CNTNAP5: variants seen among roughly 807,000 people sequenced by gnomAD.
The protein encoded by CNTNAP5 is contactin associated protein family member 5, also known as contactin-associated protein-like 5.
CNTNAP5 carries 72 observed loss-of-function variants against 150.2 expected under a neutral mutation model. The observed-to-expected ratio is 0.48, with a 90% CI of 0.40 to 0.58. The LOEUF (loss-of-function observed/expected upper bound fraction) is 0.58, where lower values mean the gene tolerates loss of function less well. Ranked by LOEUF, CNTNAP5 falls within the 20% of genes least tolerant of loss-of-function variation. CNTNAP5 has a pLI of 0.00. For synonymous variants in CNTNAP5, 672 were observed against 619.8 expected, an observed-to-expected ratio of 1.08 and a Z score of -1.25; for missense variants, 1,636 against 1,626.2, an observed-to-expected ratio of 1.01 and a Z score of -0.10.
At chr2:124,084,841 GT>G (rs1326457768) in intron 1 of CNTNAP5, among the ~76,000 whole-genome samples, 1 of 145,596 alleles carries the variant, frequency 6.9e-6, no homozygotes, top group Non-Finnish European at 1.5e-5. Context: ...ATCTTGAATT[GT>G]TTTGTATAAT....
At chr2:124,052,213 A>T (rs1475436881) in intron 1 of CNTNAP5, among the ~76,000 whole-genome samples, 1 of 152,200 alleles carries the variant, frequency 6.6e-6, no homozygotes, top group African/African-American at 2.4e-5. Flanking sequence ...CAGTGATATG[A>T]TCCTTAAATT....
Position 124,696,229 on chromosome 2 carries a change from A to G in CNTNAP5, c.2077+48271A>G, listed in dbSNP as rs113823329. ...AGTGAAGTTTGGAATATTTCAGAGC[A>G]TATGTTTTCCCCCAGTAGCAAGAAT... On this transcript the variant is annotated intron_variant, in intron 13 of 23. Transcript: ENST00000682447. Among the ~76,000 whole-genome samples, 21 of 152,288 alleles carry G rather than the reference A, an allele frequency of 1.4e-4. 1 individual carries two copies. The highest frequency in any genetic ancestry group is 4.8e-4 in the African/African-American group (20 of 41,564).
intron 11 of CNTNAP5, among the ~76,000 whole-genome samples, chr2:124,568,350 G>C (rs1400153475): frequency 2.0e-5 from 3 of 152,198 alleles, no homozygotes; most frequent in Non-Finnish European, 4.4e-5. Context: ...AAAACAGACT[G>C]TCAAGGGCTA....
At chr2:124,721,508 A>G (rs145640439) in intron 13 of CNTNAP5, among the ~76,000 whole-genome samples, 4 of 149,378 alleles carry the variant, frequency 2.7e-5, no homozygotes, top group African/African-American at 1.0e-4. Context: ...TAAATAAATA[A>G]ATACATAAAT....
chr2:124,201,153 G>A lies in CNTNAP5; in HGVS notation c.83-20552G>A, dbSNP rs542025581. 4.6e-5 allele frequency among the ~76,000 whole-genome samples: 7 copies of A among 152,278 alleles called. No individual in the cohort carries two copies. The East Asian group carries it at 5.8e-4, about 13-fold the overall frequency. On this transcript the variant is annotated intron_variant, in intron 1 of 23. Transcript: ENST00000682447. ...TTCACTCAAACATCTGGTACCAGGC[G>A]TGGAGCCCTGAAGCACTGCTCGACC...
intron 1 of CNTNAP5, among the ~76,000 whole-genome samples, chr2:124,035,910 CTTTTTTT>C (rs759598012): frequency 0.11 from 8,486 of 76,470 alleles, 250 homozygotes; most frequent in Middle Eastern, 0.17. Flanking sequence ...AGGATGAACT[CTTTTTTT>C]TTTTTTTTTT....
intron 12 of CNTNAP5, among the ~76,000 whole-genome samples, chr2:124,634,901 G>A (rs1224460920): frequency 6.6e-6 from 1 of 152,104 alleles, no homozygotes; most frequent in Non-Finnish European, 1.5e-5. Context: ...AAGTCTCTAG[G>A]AAGTTCCAAA....
At chr2:124,899,798 A>C (rs1213208113) in intron 21 of CNTNAP5, among the ~76,000 whole-genome samples, 1 of 151,414 alleles carries the variant, frequency 6.6e-6, no homozygotes, top group Non-Finnish European at 1.5e-5. Context: ...ACATGAATCT[A>C]ATGTAATTTT....
At chr2:124,400,540 A>C (rs900673775) in intron 3 of CNTNAP5, among the ~76,000 whole-genome samples, 8 of 151,318 alleles carry the variant, frequency 5.3e-5, no homozygotes, top group Non-Finnish European at 8.8e-5. Flanking sequence ...CTGCAATATC[A>C]CTCCTTAACT....
intron 3 of CNTNAP5, among the ~76,000 whole-genome samples, chr2:124,358,671 A>G (rs1161484513): frequency 6.6e-6 from 1 of 152,184 alleles, no homozygotes; most frequent in Non-Finnish European, 1.5e-5. Flanking sequence ...ATCATGGTGG[A>G]TAAGCTTTTT....
At chr2:124,465,492 T>G (rs1368979788) in intron 6 of CNTNAP5, among the ~76,000 whole-genome samples, 1 of 152,094 alleles carries the variant, frequency 6.6e-6, no homozygotes, top group African/African-American at 2.4e-5. Flanking sequence ...AAAAAGACAA[T>G]GAGGCAAAAG....
chr2:124,764,033 A>G lies in CNTNAP5; in HGVS notation c.2419A>G (p.Thr807Ala), dbSNP rs186713620. 9.0e-5 allele frequency: 145 copies of G among 1,613,212 alleles called. No homozygotes were observed. Among genetic ancestry groups the G allele is most frequent in the Non-Finnish European group, 1.2e-4 (140 of 1,179,416 alleles). The change falls in exon 16 of 24, where the codon ACC becomes GCC. Residue 807 changes from threonine to alanine, a missense_variant. Thr to Ala is a moderately conservative substitution (Grantham distance 58, BLOSUM62 0). Coordinates refer to ENST00000682447, the MANE Select transcript of CNTNAP5 (RefSeq NM_001367498.1). ...YTEASYLHFP[T>A]FHAEFSADIS... is the part of the protein sequence containing the mutation. ...AGAAGCCTCTTACCTCCACTTTCCT[A>G]CCTTCCATGCGGAATTCAGTGCCGA...
intron 18 of CNTNAP5, among the ~76,000 whole-genome samples, chr2:124,797,766 C>T (rs540931789): frequency 1.3e-5 from 2 of 152,284 alleles, no homozygotes; most frequent in East Asian, 3.9e-4. Flanking sequence ...GTTATCTTTG[C>T]TTCTCAGGAA....
chr2:124,192,721 C>T (rs937203155), intron 1 of CNTNAP5, among the ~76,000 whole-genome samples: 3 of 152,092 alleles, frequency 2.0e-5, no homozygotes, highest in African/African-American at 7.2e-5. Context: ...CTCAAATCTT[C>T]GTAAAATGTC....
At chr2:124,495,681 A>G (rs1424387307) in intron 7 of CNTNAP5, among the ~76,000 whole-genome samples, 1 of 152,234 alleles carries the variant, frequency 6.6e-6, no homozygotes, top group Non-Finnish European at 1.5e-5. Flanking sequence ...CTCCTTTGGC[A>G]GAAGCAGAAT....
intron 19 of CNTNAP5, among the ~76,000 whole-genome samples, chr2:124,860,723 A>G (rs1463737831): frequency 1.3e-5 from 2 of 152,116 alleles, no homozygotes; most frequent in Admixed American, 6.6e-5. Context: ...AGACAACACA[A>G]CACAGTACAT....
At chr2:124,583,673 G>C (rs1024492637) in intron 11 of CNTNAP5, among the ~76,000 whole-genome samples, 2 of 152,152 alleles carry the variant, frequency 1.3e-5, no homozygotes, top group Admixed American at 1.3e-4. Context: ...GGTTTGGAAG[G>C]GGGAAGGGAG....
At chr2:124,524,499 T>C in intron 9 of CNTNAP5, 47 bp downstream of exon 9, 16 of 1,474,550 alleles carry the variant, frequency 1.1e-5, no homozygotes, top group Non-Finnish European at 1.4e-5. Context: ...GGGAGGGAAA[T>C]TTAAGTGGGC....
intron 13 of CNTNAP5, among the ~76,000 whole-genome samples, chr2:124,685,474 A>G (rs1192125763): frequency 1.3e-5 from 2 of 152,066 alleles, no homozygotes; most frequent in Non-Finnish European, 2.9e-5. Context: ...GTATCCCAGC[A>G]TCTCTTCATT....
Sources: gnomAD v4.1 joint callset for allele counts (sites outside exome capture counted in the v4.1 genomes callset) on GRCh38, gnomAD v4.1.1 for gene constraint, MANE v1.5 for transcripts, NCBI Gene and HGNC (gene_info 2026-07-23, HGNC 2026-07-21) for gene names.